Variants in TRIM44 observed in about 807,000 individuals in gnomAD.
TRIM44 encodes the protein tripartite motif-containing protein 44.
A neutral mutation model predicts 37.4 loss-of-function variants in TRIM44; 13 were observed. The ratio of observed to expected loss-of-function variants is 0.35; its 90% confidence interval spans 0.23 to 0.55. TRIM44 has a LOEUF of 0.55. Ranked by LOEUF, TRIM44 falls within the 20% of genes least tolerant of loss-of-function variation. TRIM44 has a pLI of 0.89. For missense variants in TRIM44, 426 were observed against 437.2 expected (o/e 0.97, Z 0.23); for synonymous variants, 175 against 157.2 (o/e 1.11, Z -0.85).
At position 35,783,138 on chromosome 11, in the gene TRIM44, A is replaced by AT. The variant is rs796830916; in HGVS notation, c.1008-23216dup. Among the ~76,000 whole-genome samples, 3 of 152,216 alleles carry AT rather than the reference A, an allele frequency of 2.0e-5. No homozygotes were observed. The South Asian group carries it at 6.2e-4, about 32-fold the overall frequency. On this transcript the variant is annotated intron_variant, in intron 4 of 4. Coordinates refer to ENST00000299413, the MANE Select transcript of TRIM44 (RefSeq NM_017583.6). ...CAGTCCTGTAAGGTAGGCTGTCCTC[A>AT]TTTTATAGAGGTATCTGAGTAACAC...
intron 2 of TRIM44, among the ~76,000 whole-genome samples, chr11:35,713,396 A>G (rs1298667601): frequency 6.6e-6 from 1 of 152,196 alleles, no homozygotes; most frequent in Admixed American, 6.5e-5. Context: ...TATGACTTCT[A>G]TATAGAAGTT....
intron 4 of TRIM44, among the ~76,000 whole-genome samples, chr11:35,758,055 G>C (rs1852671066): frequency 6.6e-6 from 1 of 152,158 alleles, no homozygotes; most frequent in Non-Finnish European, 1.5e-5. Context: ...GGGTATGCTT[G>C]CTAACTTTCT....
intron 2 of TRIM44, among the ~76,000 whole-genome samples, chr11:35,718,154 T>C (rs1040349203): frequency 2.2e-4 from 33 of 152,162 alleles, no homozygotes; most frequent in African/African-American, 8.0e-4. Context: ...TTGATTATTC[T>C]AGAAAGGGGG....
At chr11:35,790,825 T>G (rs1853199593) in intron 4 of TRIM44, among the ~76,000 whole-genome samples, 1 of 152,154 alleles carries the variant, frequency 6.6e-6, no homozygotes, top group Non-Finnish European at 1.5e-5. Flanking sequence ...CTTTTCCGTT[T>G]CCTAGGGAAA....
chr11:35,683,686 A>G (rs1851544081), intron 1 of TRIM44, among the ~76,000 whole-genome samples: 2 of 152,084 alleles, frequency 1.3e-5, no homozygotes, highest in African/African-American at 4.8e-5. Flanking sequence ...CCTATCTGAT[A>G]GAGTTGTTGA....
At chr11:35,737,000 T>C (rs1394174646) in intron 4 of TRIM44, among the ~76,000 whole-genome samples, 26 of 152,190 alleles carry the variant, frequency 1.7e-4, no homozygotes, top group Non-Finnish European at 7.3e-5. Context: ...GAGGCGAACA[T>C]GTAACTGGGC....
chr11:35,714,805 G>A lies in TRIM44; in HGVS notation c.748-11119G>A, dbSNP rs528572663. ...CTCCCACTTCTACACGATAGTTCCCGAAGCAGAAGTTGTCTTTCTAGTTTA... is the reference window on the plus strand; with the variant it reads ...CTCCCACTTCTACACGATAGTTCCCAAAGCAGAAGTTGTCTTTCTAGTTTA... On this transcript the variant is annotated intron_variant, in intron 2 of 4. Coordinates refer to ENST00000299413, the MANE Select transcript of TRIM44 (RefSeq NM_017583.6). Among the ~76,000 whole-genome samples, 282 of 152,220 alleles carry A rather than the reference G, an allele frequency of 1.9e-3. 2 individuals are homozygous for A. Among genetic ancestry groups the A allele is most frequent in the African/African-American group, 6.5e-3 (270 of 41,540 alleles).
chr11:35,723,441 A>C (rs762835049), intron 2 of TRIM44, among the ~76,000 whole-genome samples: 1 of 152,228 alleles, frequency 6.6e-6, no homozygotes, highest in Non-Finnish European at 1.5e-5. Context: ...AACATGCCAA[A>C]GGTTTTGATG....
At chr11:35,794,287 G>A (rs1305287793) in intron 4 of TRIM44, among the ~76,000 whole-genome samples, 3 of 152,190 alleles carry the variant, frequency 2.0e-5, no homozygotes, top group South Asian at 2.1e-4. Context: ...GACTGTTAGG[G>A]TAAGAGGTGG....
chr11:35,725,832 G>A (rs1043851476), intron 2 of TRIM44, 92 bp from the exon 3 acceptor site: 5 of 1,372,198 alleles, frequency 3.6e-6, no homozygotes, highest in African/African-American at 1.4e-5. Flanking sequence ...GATCCATGGT[G>A]TGTATTTTGG....
chr11:35,748,865 G>A (rs1055482480), intron 4 of TRIM44, among the ~76,000 whole-genome samples: 2 of 152,100 alleles, frequency 1.3e-5, no homozygotes, highest in African/African-American at 4.8e-5. Flanking sequence ...GCTCAGGTGG[G>A]GTAAAGCTCA....
At chr11:35,697,213 C>T (rs1307116927) in intron 2 of TRIM44, among the ~76,000 whole-genome samples, 1 of 106,434 alleles carries the variant, frequency 9.4e-6, no homozygotes, top group East Asian at 3.4e-4. Context: ...ATCCCTCCCC[C>T]TCCCCCCACC....
chr11:35,682,309 A>G (rs1468442836), intron 1 of TRIM44, among the ~76,000 whole-genome samples: 1 of 152,108 alleles, frequency 6.6e-6, no homozygotes. Context: ...TGGGTGACCA[A>G]GAGGGGTATT....
chr11:35,809,589 T>G lies in TRIM44; in HGVS notation c.*3204T>G, dbSNP rs1163816251. Reference sequence around the variant, plus strand: ...CCATCTTCCATAAATAAGGTGTTTCTTGGCCTTCAAAGATATAGAACTTTG... The same window carrying G: ...CCATCTTCCATAAATAAGGTGTTTCGTGGCCTTCAAAGATATAGAACTTTG... On this transcript the variant is annotated 3_prime_UTR_variant, in exon 5 of 5. Coordinates refer to ENST00000299413, the MANE Select transcript of TRIM44 (RefSeq NM_017583.6). 6.6e-6 allele frequency: 1 copy of G among 152,182 alleles called. No individual in the cohort carries two copies. Among genetic ancestry groups the G allele is most frequent in the Non-Finnish European group, 1.5e-5 (1 of 68,036 alleles). The allele number at this position is 152,182 out of a possible 1,614,324, so 9.4% of individuals were successfully genotyped here. A position where few individuals can be genotyped will look rare whatever the true frequency, so the allele number is the denominator to read the frequency against.
intron 2 of TRIM44, among the ~76,000 whole-genome samples, chr11:35,717,998 A>G (rs1433337272): frequency 6.6e-6 from 1 of 152,212 alleles, no homozygotes; most frequent in Non-Finnish European, 1.5e-5. Context: ...GGCACCAGGA[A>G]TCTAACTCAG....
At chr11:35,719,595 A>T (rs1423085787) in intron 2 of TRIM44, among the ~76,000 whole-genome samples, 4 of 152,118 alleles carry the variant, frequency 2.6e-5, no homozygotes, top group Non-Finnish European at 5.9e-5. Context: ...ACTAACATTG[A>T]TGTTACATCT....
intron 1 of TRIM44, among the ~76,000 whole-genome samples, chr11:35,675,756 G>C (rs753945049): frequency 6.6e-6 from 1 of 152,058 alleles, no homozygotes; most frequent in Non-Finnish European, 1.5e-5. Context: ...TCCTGACTTC[G>C]TGATCTACCC....
intron 4 of TRIM44, among the ~76,000 whole-genome samples, chr11:35,791,813 C>G (rs889578496): frequency 2.6e-5 from 4 of 152,130 alleles, no homozygotes; most frequent in Admixed American, 6.5e-5. Flanking sequence ...ACATTCTTTG[C>G]TATACTGTGA....
At chr11:35,800,285 A>G (rs1046989119) in intron 4 of TRIM44, among the ~76,000 whole-genome samples, 6 of 152,196 alleles carry the variant, frequency 3.9e-5, no homozygotes, top group Admixed American at 3.9e-4. Context: ...GCGAGCAGCA[A>G]GATTTATTAT....
Sources: gnomAD v4.1 joint callset for allele counts (sites outside exome capture counted in the v4.1 genomes callset) on GRCh38, gnomAD v4.1.1 for gene constraint, MANE v1.5 for transcripts, NCBI Gene and HGNC (gene_info 2026-07-23, HGNC 2026-07-21) for gene names.